Variants in ATAD2B observed in about 807,000 individuals in gnomAD.
ATAD2B encodes the protein ATPase family AAA domain-containing protein 2B.
Under a neutral mutation model 167.6 loss-of-function variants are expected in ATAD2B, and 40 were observed. That is an observed-to-expected ratio of 0.24 (90% CI 0.19 to 0.31). The LOEUF is 0.31. ATAD2B is among the 10% of genes least tolerant of loss of function. The pLI, the probability that ATAD2B is intolerant of heterozygous loss-of-function variation, is 1.00. For missense variants in ATAD2B, 1,242 were observed against 1,757.2 expected (o/e 0.71, Z 5.24); for synonymous variants, 579 against 596.5 (o/e 0.97, Z 0.43).
intron 1 of ATAD2B, among the ~76,000 whole-genome samples, chr2:23,920,362 T>C (rs1703732875): frequency 6.6e-6 from 1 of 152,238 alleles, no homozygotes; most frequent in South Asian, 2.1e-4. Context: ...CAATTTACCT[T>C]GTTAATAACT....
At chr2:23,829,537 G>T (rs1000652150) in intron 14 of ATAD2B, among the ~76,000 whole-genome samples, 13 of 152,150 alleles carry the variant, frequency 8.5e-5, no homozygotes, top group African/African-American at 3.1e-4. Flanking sequence ...GATCGTTTAT[G>T]TCCAGGAGTT....
chr2:23,735,081 T>C, the ATAD2B span, among the ~76,000 whole-genome samples: 2 of 152,222 alleles, frequency 1.3e-5, no homozygotes, highest in African/African-American at 4.8e-5. Context: ...CATGGTACTG[T>C]TCAAAAACAT....
chr2:23,680,446 A>T, the ATAD2B span, among the ~76,000 whole-genome samples: 2 of 152,194 alleles, frequency 1.3e-5, no homozygotes, highest in Non-Finnish European at 2.9e-5. This position sits in a 1 kb window ranked among gnomAD's most constrained non-coding sequence, Gnocchi z 4.1. Context: ...CAGGGTGTGC[A>T]GTCCCACAGA....
At chr2:23,890,724 C>G (rs763298055) in intron 2 of ATAD2B, among the ~76,000 whole-genome samples, 1 of 152,198 alleles carries the variant, frequency 6.6e-6, no homozygotes, top group East Asian at 1.9e-4. Flanking sequence ...GAATAAGATG[C>G]AGACCCTAAA....
At position 23,787,014 on chromosome 2, in the gene ATAD2B, C is replaced by T. The variant is rs375376855; in HGVS notation, c.2777-791G>A. On this transcript the variant is annotated intron_variant, in intron 20 of 27. Coordinates refer to ENST00000238789, the MANE Select transcript of ATAD2B (RefSeq NM_017552.4). ...CTCGTATTCTGAGTACAACAGAGTACGGATAGTGAATGGCACCTGCAGGAA... is the reference window on the plus strand; with the variant it reads ...CTCGTATTCTGAGTACAACAGAGTATGGATAGTGAATGGCACCTGCAGGAA... Among the ~76,000 whole-genome samples, 31 of 142,742 alleles carry T rather than the reference C, an allele frequency of 2.2e-4. 1 individual carries two copies. In the East Asian group the frequency reaches 2.2e-3, roughly 10 times the overall value. 93.6% of individuals were successfully genotyped at this position (142,742 alleles called of 152,430 possible).
downstream of ATAD2B, among the ~76,000 whole-genome samples, chr2:23,745,422 A>AAGGAAGGAAGGGGAAGGG (rs1491261605): frequency 1.2e-5 from 1 of 85,012 alleles, no homozygotes; most frequent in African/African-American, 5.3e-5. Flanking sequence ...GGAAGGAAGG[A>AAGGAAGGAAGGGGAAGGG]AAGGGAAGGG....
chr2:23,687,985 C>T, the ATAD2B span, among the ~76,000 whole-genome samples: 1 of 152,130 alleles, frequency 6.6e-6, no homozygotes. Flanking sequence ...TTGGCTGCCC[C>T]CCATGGCCAT....
the ATAD2B span, chr2:23,693,538 G>C: frequency 2.1e-5 from 32 of 1,542,718 alleles, 1 homozygote; most frequent in South Asian, 3.7e-4. Context: ...GGTGGGGCCT[G>C]CCCTGTCCCC....
intron 15 of ATAD2B, among the ~76,000 whole-genome samples, chr2:23,824,768 C>CTGTTT (rs1427553980): frequency 1.3e-5 from 2 of 152,184 alleles, no homozygotes; most frequent in Admixed American, 6.5e-5. Context: ...AACACATGCT[C>CTGTTT]TGTTGCATCC....
At chr2:23,830,225 C>G (rs1688835785) in intron 14 of ATAD2B, among the ~76,000 whole-genome samples, 1 of 152,214 alleles carries the variant, frequency 6.6e-6, no homozygotes, top group East Asian at 1.9e-4. Context: ...CTCAACTGTT[C>G]CGCCCACCTC....
intron 22 of ATAD2B, among the ~76,000 whole-genome samples, chr2:23,780,353 A>G (rs943876377): frequency 1.7e-4 from 25 of 148,278 alleles, no homozygotes; most frequent in Non-Finnish European, 4.5e-5. Context: ...AGCAAAAACT[A>G]TAAGAGGCAA....
intron 13 of ATAD2B, among the ~76,000 whole-genome samples, chr2:23,852,041 A>C (rs545336597): frequency 6.6e-6 from 1 of 152,282 alleles, no homozygotes; most frequent in South Asian, 2.1e-4. Context: ...AAATTTCTTG[A>C]CTTAGGTGAA....
chr2:23,704,533 G>A, the ATAD2B span, among the ~76,000 whole-genome samples: 8 of 152,316 alleles, frequency 5.3e-5, no homozygotes, highest in East Asian at 3.9e-4. Flanking sequence ...TTGGGAGGCC[G>A]AGGCGGATGG....
chr2:23,690,005 AG>A, the ATAD2B span: 18 of 152,398 alleles, frequency 1.2e-4, no homozygotes, highest in African/African-American at 4.1e-4. Context: ...GCTTGGAGGC[AG>A]AGGCCCCTTG....
chr2:23,743,658 C>T, the ATAD2B span, among the ~76,000 whole-genome samples: 1 of 151,864 alleles, frequency 6.6e-6, no homozygotes, highest in Non-Finnish European at 1.5e-5. Context: ...CAGGGTGTCA[C>T]TCTGTCACTC....
rs1021608658 is a variant in ATAD2B, at chr2:23,892,415, C to T, written c.368+3404G>A. On this transcript the variant is annotated intron_variant, in intron 2 of 27. Coordinates refer to ENST00000238789, the MANE Select transcript of ATAD2B (RefSeq NM_017552.4). The stretch of plus-strand genomic sequence containing the variant: ...TCCTGACCTCGTGATCCGCCCGCCT[C>T]GGCCTCCCAAAGTGCTGGGATTACA... 5.9e-5 allele frequency among the ~76,000 whole-genome samples: 9 copies of T among 151,896 alleles called. No individual in the cohort carries two copies. In the East Asian group the frequency reaches 1.7e-3, roughly 29 times the overall value.
At chr2:23,907,802 T>C (rs1573387257) in intron 1 of ATAD2B, among the ~76,000 whole-genome samples, 1 of 151,994 alleles carries the variant, frequency 6.6e-6, no homozygotes. Flanking sequence ...TATAGAACAA[T>C]GGAACACAAC....
chr2:23,703,720 C>A, the ATAD2B span: 1 of 1,535,520 alleles, frequency 6.5e-7, no homozygotes. Context: ...TCCTCACAGA[C>A]AACAAGTATG....
chr2:23,707,131 T>C, the ATAD2B span: 1 of 153,078 alleles, frequency 6.5e-6, no homozygotes, highest in Non-Finnish European at 1.5e-5. Context: ...ACACTTTCAG[T>C]GGCCGACAGA....
Sources: allele counts gnomAD v4.1 joint callset (sites outside exome capture counted in the v4.1 genomes callset), GRCh38; gene constraint gnomAD v4.1.1; non-coding constraint Gnocchi (gnomAD v3.1); transcripts MANE v1.5; gene names NCBI Gene and HGNC (gene_info 2026-07-23, HGNC 2026-07-21).